DLGAP1: variants seen among roughly 807,000 people sequenced by gnomAD.
The protein encoded by DLGAP1 is disks large-associated protein 1.
A neutral mutation model predicts 90.8 loss-of-function variants in DLGAP1; 11 were observed. That is an observed-to-expected ratio of 0.12 (90% CI 0.08 to 0.20). The LOEUF (loss-of-function observed/expected upper bound fraction) is 0.20, where lower values mean the gene tolerates loss of function less well. DLGAP1 is among the 10% of genes least tolerant of loss of function. DLGAP1 has a pLI of 1.00. For missense variants in DLGAP1, 1,050 were observed against 1,333.8 expected, an observed-to-expected ratio of 0.79 and a Z score of 3.31; for synonymous variants, 558 against 540.7, an observed-to-expected ratio of 1.03 and a Z score of -0.44.
intron 2 of DLGAP1, among the ~76,000 whole-genome samples, chr18:4,051,647 C>T (rs2075135378): frequency 6.6e-6 from 1 of 152,136 alleles, no homozygotes; most frequent in Non-Finnish European, 1.5e-5. Context: ...TGGCCCCTCC[C>T]AAATCTCATG....
intron 8 of DLGAP1, among the ~76,000 whole-genome samples, chr18:3,573,642 T>C (rs1447509950): frequency 6.6e-6 from 1 of 152,026 alleles, no homozygotes; most frequent in East Asian, 1.9e-4. Flanking sequence ...GTTTTTTTTT[T>C]CTTCACTTTT....
chr18:4,246,127 TG>T (rs1001799162), intron 1 of DLGAP1, among the ~76,000 whole-genome samples: 1 of 152,194 alleles, frequency 6.6e-6, no homozygotes, highest in African/African-American at 2.4e-5. Context: ...TGGGGCTATT[TG>T]GGGGCTGCAT....
chr18:3,975,243 C>T (rs2073545829), intron 3 of DLGAP1, among the ~76,000 whole-genome samples: 1 of 152,056 alleles, frequency 6.6e-6, no homozygotes, highest in Non-Finnish European at 1.5e-5. Flanking sequence ...ACAAACACTT[C>T]ATACAACTCA....
At chr18:3,560,402 G>A (rs2054010882) in intron 9 of DLGAP1, among the ~76,000 whole-genome samples, 1 of 130,514 alleles carries the variant, frequency 7.7e-6, no homozygotes, top group Non-Finnish European at 1.5e-5. Flanking sequence ...CTGGGTGACA[G>A]AGCGAGACTC....
At chr18:4,429,866 T>C (rs1004963882) in intron 1 of DLGAP1, among the ~76,000 whole-genome samples, 7 of 152,128 alleles carry the variant, frequency 4.6e-5, no homozygotes, top group Admixed American at 3.9e-4. Context: ...CTGTAATTAG[T>C]ACAACACTGA....
chr18:4,059,845 G>A (rs190604200), intron 2 of DLGAP1, among the ~76,000 whole-genome samples: 1 of 152,276 alleles, frequency 6.6e-6, no homozygotes, highest in East Asian at 1.9e-4. Context: ...TTAGAACAAG[G>A]AGGACAGGGC....
intron 1 of DLGAP1, among the ~76,000 whole-genome samples, chr18:4,423,195 G>T (rs1029766574): frequency 6.6e-6 from 1 of 152,012 alleles, no homozygotes; most frequent in African/African-American, 2.4e-5. Flanking sequence ...AGTTTCTCTG[G>T]TATTTGCTTC....
intron 7 of DLGAP1, among the ~76,000 whole-genome samples, chr18:3,682,437 C>T (rs2060553455): frequency 6.6e-6 from 1 of 152,126 alleles, no homozygotes; most frequent in Non-Finnish European, 1.5e-5. Context: ...TACACATGGC[C>T]TTTTTGGAAA....
chr18:3,881,870 G>A (rs1359039060), intron 3 of DLGAP1, among the ~76,000 whole-genome samples: 1 of 152,174 alleles, frequency 6.6e-6, no homozygotes, highest in Non-Finnish European at 1.5e-5. Flanking sequence ...CCGAGATCGT[G>A]CCACTGCACT....
rs2075657751 is a variant in DLGAP1 at position 4,084,783 on chromosome 18, A to AT, written c.-159+66396dup. 6.6e-6 allele frequency among the ~76,000 whole-genome samples: 1 copy of AT among 152,210 alleles called. No homozygotes were observed. Among genetic ancestry groups the AT allele is most frequent in the South Asian group, 2.1e-4 (1 of 4,834 alleles). On this transcript the variant is annotated intron_variant, in intron 2 of 12. Transcript: ENST00000315677. This position sits in a 1 kb window ranked among gnomAD's most constrained non-coding sequence, Gnocchi z 4.0. ...CCATGTCATGCAACACTTATTAAAT[A>AT]TATTAGCATGCTTTTCTCCTATCAA... is the stretch of plus-strand genomic sequence containing the variant.
At chr18:3,952,370 G>T (rs547851490) in intron 3 of DLGAP1, among the ~76,000 whole-genome samples, 1 of 152,138 alleles carries the variant, frequency 6.6e-6, no homozygotes. Flanking sequence ...TATACTCTTG[G>T]GGGGAGGATT....
intron 3 of DLGAP1, among the ~76,000 whole-genome samples, chr18:3,968,496 A>G (rs2073375951): frequency 6.6e-6 from 1 of 152,242 alleles, no homozygotes; most frequent in African/African-American, 2.4e-5. Flanking sequence ...AAACACAGAA[A>G]GTTACTGAAA....
intron 9 of DLGAP1, among the ~76,000 whole-genome samples, chr18:3,538,709 A>G (rs941490887): frequency 2.6e-5 from 4 of 152,236 alleles, no homozygotes; most frequent in African/African-American, 9.6e-5. Context: ...AAGATCCTGT[A>G]TTGCCAGAGG....
At chr18:4,143,850 C>A (rs2076535701) in intron 2 of DLGAP1, among the ~76,000 whole-genome samples, 2 of 152,180 alleles carry the variant, frequency 1.3e-5, no homozygotes, top group African/African-American at 4.8e-5. Context: ...CCTGCCAGGA[C>A]TGGGTCCTTC....
intron 1 of DLGAP1, among the ~76,000 whole-genome samples, chr18:4,180,134 A>G (rs1488002521): frequency 6.6e-6 from 1 of 152,156 alleles, no homozygotes. Flanking sequence ...TTTGAACACA[A>G]CTTACACTTT....
At chr18:3,787,267 A>G (rs1279870194) in intron 5 of DLGAP1, among the ~76,000 whole-genome samples, 1 of 152,044 alleles carries the variant, frequency 6.6e-6, no homozygotes. Context: ...GCGGATCACA[A>G]GATCAGGAGT....
chr18:4,227,869 A>T (rs2078224676), intron 1 of DLGAP1, among the ~76,000 whole-genome samples: 1 of 151,816 alleles, frequency 6.6e-6, no homozygotes, highest in Admixed American at 6.6e-5. Context: ...AAAATTAATG[A>T]AAATGAAATG....
intron 7 of DLGAP1, among the ~76,000 whole-genome samples, chr18:3,663,927 G>A (rs942550788): frequency 6.6e-6 from 1 of 152,164 alleles, no homozygotes; most frequent in East Asian, 1.9e-4. Flanking sequence ...CCTAAGGTGG[G>A]TGGGTCTTGT....
rs534191387 is a variant in DLGAP1, at chr18:4,021,257, T to C, written c.-158-16056A>G. ...CTAGGCAGCAGGCAAGGAGAATCCA[T>C]GGAGCAGTTACACCTGGTGGGAGGT... On this transcript the variant is annotated intron_variant, in intron 2 of 12. Coordinates refer to ENST00000315677, the MANE Select transcript of DLGAP1 (RefSeq NM_004746.4). Among the ~76,000 whole-genome samples the C allele has an allele frequency of 6.6e-5, 10 of 152,320 alleles. No individual in the cohort carries two copies. The South Asian group carries it at 1.9e-3, about 28-fold the overall frequency.
Sources: gnomAD v4.1 joint callset for allele counts (sites outside exome capture counted in the v4.1 genomes callset) on GRCh38, gnomAD v4.1.1 for gene constraint, Gnocchi (gnomAD v3.1) non-coding constraint, MANE v1.5 for transcripts, NCBI Gene and HGNC (gene_info 2026-07-23, HGNC 2026-07-21) for gene names.